Variants in HECTD2 observed in about 807,000 individuals in gnomAD.
The protein encoded by HECTD2 is probable E3 ubiquitin-protein ligase HECTD2.
Under a neutral mutation model 103.2 loss-of-function variants are expected in HECTD2, and 35 were observed. That is an observed-to-expected ratio of 0.34 (90% CI 0.26 to 0.45). The LOEUF is 0.45. HECTD2 is among the 20% of genes least tolerant of loss of function. HECTD2 has a pLI of 1.00. For missense variants in HECTD2, 596 were observed against 937.4 expected (o/e 0.64, Z 4.76); for synonymous variants, 281 against 329.9 (o/e 0.85, Z 1.61).
intron 2 of HECTD2, among the ~76,000 whole-genome samples, chr10:91,445,673 A>T (rs1320360169): frequency 6.6e-6 from 1 of 152,006 alleles, no homozygotes; most frequent in Non-Finnish European, 1.5e-5. Flanking sequence ...CTGCATTTCC[A>T]ACTGAGGTAC....
upstream of HECTD2, among the ~76,000 whole-genome samples, chr10:91,409,698 G>C (rs1252157320): frequency 6.6e-6 from 1 of 152,200 alleles, no homozygotes; most frequent in Non-Finnish European, 1.5e-5. Flanking sequence ...GTGTACAAAA[G>C]AGTCGGTTGC....
rs564698268 is a variant in HECTD2 at position 91,461,441 on chromosome 10, A to G, written c.510+85A>G. On this transcript the variant is annotated intron_variant, in intron 4 of 20. Coordinates refer to ENST00000298068, the MANE Select transcript of HECTD2 (RefSeq NM_182765.6). Reference sequence around the variant, plus strand: ...ATAAATTTACCTCATTTTCTACCCAATATTGATTTAAACATGCATATATTA... The same window carrying G: ...ATAAATTTACCTCATTTTCTACCCAGTATTGATTTAAACATGCATATATTA... The G allele has an allele frequency of 5.5e-5, 36 of 648,862 alleles. No individual in the cohort carries two copies. The African/African-American group carries it at 6.4e-4, about 11-fold the overall frequency. 40.2% of individuals were successfully genotyped at this position (648,862 alleles called of 1,614,324 possible).
At chr10:91,425,163 TTATC>T (rs772444693) in intron 1 of HECTD2, 114 bp from the exon 2 acceptor site, 1 of 799,792 alleles carries the variant, frequency 1.3e-6, no homozygotes, top group South Asian at 5.0e-5. Flanking sequence ...ATATACGTTT[TTATC>T]TATTATCTAC....
chr10:91,489,641 T>C (rs1417482694), intron 11 of HECTD2: 1 of 152,040 alleles, frequency 6.6e-6, no homozygotes, highest in African/African-American at 2.4e-5. Flanking sequence ...GAACAGAAGA[T>C]AGGAAAAGGT....
At position 91,492,387 on chromosome 10, in the gene HECTD2, A is replaced by G; in HGVS notation, c.1335A>G (p.Leu445=). ...AAAGAGCCGATTTGAAAAAGAAGTT[A>G]AAAGTTACATTTGTAGGGGAAGCTG... is the stretch of plus-strand genomic sequence containing the variant. The part of the protein sequence containing the change: ...TRKRADLKKK[L]KVTFVGEAGL... Residue 445 remains leucine, a synonymous_variant, in exon 13 of 21, where the codon TTA becomes TTG. Transcript: ENST00000298068. 1 of 1,613,382 alleles carries G rather than the reference A, an allele frequency of 6.2e-7. No individual in the cohort carries two copies.
chr10:91,417,987 G>A (rs1843200757), intron 1 of HECTD2, among the ~76,000 whole-genome samples: 1 of 152,132 alleles, frequency 6.6e-6, no homozygotes, highest in African/African-American at 2.4e-5. Context: ...CACCAACAGT[G>A]TAAAAGTGTT....
rs1367301861 is a variant in HECTD2 at position 91,485,187 on chromosome 10, A to T, written c.978A>T (p.Ala326=). Residue 326 remains alanine, a synonymous_variant, in exon 10 of 21, where the codon GCA becomes GCT. Coordinates refer to ENST00000298068, the MANE Select transcript of HECTD2 (RefSeq NM_182765.6). The part of the protein sequence containing the change: ...AAKVLALLNT[A]NNLVHPPLIP... ...TAGAATTTATCTTTACAGATACTGC[A>T]AACAATTTAGTTCACCCTCCCCTTA... The T allele has an allele frequency of 6.5e-7, 1 of 1,545,760 alleles. No individual in the cohort carries two copies. Among genetic ancestry groups the T allele is most frequent in the Non-Finnish European group, 8.8e-7 (1 of 1,135,986 alleles).
At chr10:91,498,266 G>A (rs1438395487) in intron 16 of HECTD2, 84 bp downstream of exon 16, 1 of 919,138 alleles carries the variant, frequency 1.1e-6, no homozygotes, top group Non-Finnish European at 1.8e-6. Context: ...CCCACTGTTA[G>A]AAAAGATGAA....
chr10:91,410,491 C>CG lies in HECTD2; in HGVS notation c.54dup (p.Pro19AlafsTer4). ...CCCGCCACTCCGCTGGTGGTGGCGG[C>CG]GCCCGCGCCTGAGGAGAGGAAAGGG... On this transcript the variant is annotated frameshift_variant, in exon 1 of 21. Coordinates refer to ENST00000298068, the MANE Select transcript of HECTD2 (RefSeq NM_182765.6). LOFTEE classifies it high-confidence loss of function. 1 of 1,465,802 alleles carries CG rather than the reference C, an allele frequency of 6.8e-7. No homozygotes were observed. The highest frequency in any genetic ancestry group is 9.0e-7 in the Non-Finnish European group (1 of 1,112,218). 90.8% of individuals were successfully genotyped at this position (1,465,802 alleles called of 1,614,324 possible).
At chr10:91,509,181 G>T (rs867375255) in intron 20 of HECTD2, among the ~76,000 whole-genome samples, 1 of 150,674 alleles carries the variant, frequency 6.6e-6, no homozygotes, top group Non-Finnish European at 1.5e-5. Context: ...GCTAGATGAC[G>T]GGTTAGTGGG....
At chr10:91,430,240 GAGAC>G (rs1433143929) in intron 2 of HECTD2, among the ~76,000 whole-genome samples, 1 of 152,170 alleles carries the variant, frequency 6.6e-6, no homozygotes, top group Non-Finnish European at 1.5e-5. Context: ...TGTGGTCTGA[GAGAC>G]AGTTTGTTAT....
chr10:91,479,743 G>C (rs554411494), intron 6 of HECTD2, among the ~76,000 whole-genome samples: 1 of 152,226 alleles, frequency 6.6e-6, no homozygotes, highest in African/African-American at 2.4e-5. Context: ...CATTTTGTCA[G>C]ATTTATTTAC....
At chr10:91,425,666 CAT>C (rs1208223952) in intron 2 of HECTD2, among the ~76,000 whole-genome samples, 2 of 150,380 alleles carry the variant, frequency 1.3e-5, no homozygotes, top group East Asian at 1.9e-4. Flanking sequence ...AAATAATATA[CAT>C]ATATATTTTC....
chr10:91,445,959 C>T (rs1324000111), intron 2 of HECTD2, among the ~76,000 whole-genome samples: 1 of 151,984 alleles, frequency 6.6e-6, no homozygotes, highest in Non-Finnish European at 1.5e-5. Context: ...ACTGGGTGGC[C>T]ATTTGAGCAG....
In HECTD2 at chr10:91,451,075, T is replaced by C. The variant is rs552235638; in HGVS notation, c.269-9352T>C. On this transcript the variant is annotated intron_variant, in intron 2 of 20. Transcript: ENST00000298068. The stretch of plus-strand genomic sequence containing the variant: ...TGCTATAAAGACACATGCACACATA[T>C]GTTTATGACAGCACTGTTCACAACA... 8.5e-5 allele frequency among the ~76,000 whole-genome samples: 13 copies of C among 152,264 alleles called. No individual in the cohort carries two copies. The East Asian group carries it at 2.5e-3, about 29-fold the overall frequency.
At chr10:91,450,446 A>G (rs536565641) in intron 2 of HECTD2, among the ~76,000 whole-genome samples, 88 of 152,306 alleles carry the variant, frequency 5.8e-4, no homozygotes, top group African/African-American at 2.1e-3. Context: ...AGGCAGTACC[A>G]TTCAGGACAT....
At chr10:91,497,561 G>A (rs1467835871) in intron 15 of HECTD2, among the ~76,000 whole-genome samples, 6 of 136,244 alleles carry the variant, frequency 4.4e-5, no homozygotes, top group Non-Finnish European at 9.6e-5. Flanking sequence ...TGCCCACCTC[G>A]GCCTCCCAGA....
chr10:91,412,478 C>T (rs1385324728), intron 1 of HECTD2, among the ~76,000 whole-genome samples: 2 of 147,634 alleles, frequency 1.4e-5, no homozygotes, highest in African/African-American at 2.5e-5. Flanking sequence ...CTTTTTGAGA[C>T]GGAGTCTTGC....
At chr10:91,431,285 C>T (rs1843854735) in intron 2 of HECTD2, among the ~76,000 whole-genome samples, 1 of 151,788 alleles carries the variant, frequency 6.6e-6, no homozygotes, top group South Asian at 2.1e-4. Flanking sequence ...GTGGGTAACC[C>T]AACCTTTCTC....
Sources: allele counts gnomAD v4.1 joint callset (sites outside exome capture counted in the v4.1 genomes callset), GRCh38; gene constraint gnomAD v4.1.1; transcripts MANE v1.5; gene names NCBI Gene and HGNC (gene_info 2026-07-23, HGNC 2026-07-21).